RABGAP1L: variants seen among roughly 807,000 people sequenced by gnomAD.
RABGAP1L encodes rab GTPase-activating protein 1-like.
A neutral mutation model predicts 137.7 loss-of-function variants in RABGAP1L; 63 were observed. The observed-to-expected ratio is 0.46, with a 90% CI of 0.37 to 0.56. The LOEUF (loss-of-function observed/expected upper bound fraction) is 0.56. Ranked by LOEUF, RABGAP1L falls within the 20% of genes least tolerant of loss-of-function variation. RABGAP1L has a pLI of 0.00. For missense variants in RABGAP1L, 1,095 were observed against 1,244.0 expected, an observed-to-expected ratio of 0.88 and a Z score of 1.80; for synonymous variants, 431 against 433.7, an observed-to-expected ratio of 0.99 and a Z score of 0.08.
chr1:174,502,279 C>A (rs563599339), intron 13 of RABGAP1L, among the ~76,000 whole-genome samples: 1 of 151,678 alleles, frequency 6.6e-6, no homozygotes, highest in African/African-American at 2.4e-5. Flanking sequence ...TTGACAGATT[C>A]GTCTCTGGAG....
At chr1:174,349,048 G>GC (rs1404711780) in intron 11 of RABGAP1L, among the ~76,000 whole-genome samples, 70 of 146,014 alleles carry the variant, frequency 4.8e-4, no homozygotes, top group Non-Finnish European at 7.2e-4. Context: ...GCCGGGCGGG[G>GC]GGGGGGCTGA....
At chr1:174,395,501 G>C (rs1366732653) in intron 13 of RABGAP1L, among the ~76,000 whole-genome samples, 1 of 151,992 alleles carries the variant, frequency 6.6e-6, no homozygotes, top group Non-Finnish European at 1.5e-5. Flanking sequence ...GAAACATATG[G>C]CGGTTTAAAC....
chr1:174,329,858 C>A (rs1469506605), intron 11 of RABGAP1L, among the ~76,000 whole-genome samples: 1 of 150,416 alleles, frequency 6.6e-6, no homozygotes, highest in East Asian at 1.9e-4. Flanking sequence ...AAAACCACAG[C>A]TAACATCATA....
intron 18 of RABGAP1L, among the ~76,000 whole-genome samples, chr1:174,763,354 A>G (rs1263751662): frequency 6.6e-6 from 1 of 150,996 alleles, no homozygotes; most frequent in Non-Finnish European, 1.5e-5. Context: ...CGTCTCTACT[A>G]AAAAACAAAA....
At chr1:174,230,971 A>C (rs1162582086) in intron 3 of RABGAP1L, among the ~76,000 whole-genome samples, 174 bp from the exon 4 acceptor site, 1 of 152,152 alleles carries the variant, frequency 6.6e-6, no homozygotes, top group Non-Finnish European at 1.5e-5. Context: ...AGGATTATAA[A>C]ATCCTAGAAT....
chr1:174,319,290 A>G (rs927864357), intron 11 of RABGAP1L, among the ~76,000 whole-genome samples: 3 of 152,058 alleles, frequency 2.0e-5, no homozygotes, highest in Non-Finnish European at 4.4e-5. Context: ...ACTTCTTGTT[A>G]TTAATATGAA....
At chr1:174,431,407 C>T (rs181836082) in intron 13 of RABGAP1L, among the ~76,000 whole-genome samples, 2 of 152,170 alleles carry the variant, frequency 1.3e-5, no homozygotes, top group East Asian at 1.9e-4. Flanking sequence ...ATGTAAGAAA[C>T]GTTGAAATTT....
chr1:174,753,549 A>T (rs1684501809), intron 18 of RABGAP1L, among the ~76,000 whole-genome samples: 1 of 152,218 alleles, frequency 6.6e-6, no homozygotes, highest in Admixed American at 6.5e-5. Context: ...TTGTGTTTAT[A>T]TATTTTTTAT....
intron 24 of RABGAP1L, among the ~76,000 whole-genome samples, chr1:174,988,178 G>C (rs977888630): frequency 6.6e-6 from 1 of 152,184 alleles, no homozygotes; most frequent in Non-Finnish European, 1.5e-5. Context: ...GTGCTTTGTT[G>C]CAAGGGTAGA....
intron 1 of RABGAP1L, among the ~76,000 whole-genome samples, chr1:174,192,756 A>G (rs1667301979): frequency 6.6e-6 from 1 of 152,190 alleles, no homozygotes; most frequent in Non-Finnish European, 1.5e-5. Flanking sequence ...AAAAAGTGAA[A>G]GCCCCCACAT....
intron 19 of RABGAP1L, among the ~76,000 whole-genome samples, chr1:174,885,635 C>T (rs962891391): frequency 2.7e-4 from 41 of 150,570 alleles, no homozygotes; most frequent in African/African-American, 9.5e-4. Flanking sequence ...AGATTACAAG[C>T]GTGAGCTACC....
intron 14 of RABGAP1L, among the ~76,000 whole-genome samples, chr1:174,682,798 C>T (rs192862870): frequency 4.6e-5 from 7 of 152,306 alleles, no homozygotes; most frequent in Middle Eastern, 3.4e-3. Context: ...GTATTTCTTA[C>T]GAATTGGCCT....
chr1:174,464,435 A>G (rs1657068111), intron 13 of RABGAP1L, among the ~76,000 whole-genome samples: 1 of 152,168 alleles, frequency 6.6e-6, no homozygotes, highest in Non-Finnish European at 1.5e-5. Context: ...CTCCAGGAGC[A>G]TATACTATGC....
At chr1:174,672,852 A>G (rs1403883614) in intron 14 of RABGAP1L, among the ~76,000 whole-genome samples, 3 of 152,140 alleles carry the variant, frequency 2.0e-5, no homozygotes, top group Admixed American at 2.0e-4. Flanking sequence ...GACATCTTTC[A>G]TGGGAAAGGG....
intron 12 of RABGAP1L, among the ~76,000 whole-genome samples, chr1:174,377,623 T>C (rs1685662992): frequency 2.0e-5 from 3 of 152,098 alleles, no homozygotes; most frequent in Admixed American, 2.0e-4. Flanking sequence ...TCATTAACCA[T>C]CAGGGAAATG....
At position 174,439,770 on chromosome 1, in the gene RABGAP1L, TA is replaced by T. The variant is rs571459443; in HGVS notation, c.1710+45626del. 1.9e-3 allele frequency among the ~76,000 whole-genome samples: 284 copies of T among 152,358 alleles called. 2 individuals are homozygous for T. Among genetic ancestry groups the T allele is most frequent in the African/African-American group, 6.6e-3 (273 of 41,590 alleles). On this transcript the variant is annotated intron_variant, in intron 13 of 25. Transcript: ENST00000681986. ...ACTCTTTTAGCTATTTTATGTGCTTTATATTAAAATTATGTTAAACACTTAT... is the reference window on the plus strand; with the variant it reads ...ACTCTTTTAGCTATTTTATGTGCTTTTATTAAAATTATGTTAAACACTTAT...
chr1:174,812,485 A>G (rs1689969117), intron 19 of RABGAP1L, among the ~76,000 whole-genome samples: 1 of 152,238 alleles, frequency 6.6e-6, no homozygotes, highest in African/African-American at 2.4e-5. Context: ...CTTTCCAGAA[A>G]GTTGTAGTAT....
intron 14 of RABGAP1L, among the ~76,000 whole-genome samples, chr1:174,665,176 G>A (rs1210460602): frequency 2.6e-5 from 4 of 152,154 alleles, no homozygotes; most frequent in African/African-American, 9.7e-5. Flanking sequence ...GAGATCCAGA[G>A]ACCAAATAGT....
At chr1:174,169,252 C>T (rs933001832) in intron 1 of RABGAP1L, among the ~76,000 whole-genome samples, 1 of 151,680 alleles carries the variant, frequency 6.6e-6, no homozygotes. Context: ...CGGAGTCTTG[C>T]TCTGTCGCCC....
Sources: gnomAD v4.1 joint callset for allele counts (sites outside exome capture counted in the v4.1 genomes callset) on GRCh38, gnomAD v4.1.1 for gene constraint, MANE v1.5 for transcripts, NCBI Gene and HGNC (gene_info 2026-07-23, HGNC 2026-07-21) for gene names.